The following ARHGEF28 variants were observed in gnomAD, a reference collection of about 807,000 sequenced individuals.
ARHGEF28 encodes the protein Rho guanine nucleotide exchange factor 28, also known as 190 kDa guanine nucleotide exchange factor.
Under a neutral mutation model 206.6 loss-of-function variants are expected in ARHGEF28, and 152 were observed. The observed-to-expected ratio is 0.74, with a 90% CI of 0.64 to 0.84. The LOEUF is 0.84. ARHGEF28 is among the 40% of genes least tolerant of loss of function. ARHGEF28 has a pLI of 0.00. For synonymous variants in ARHGEF28, 763 were observed against 776.4 expected (o/e 0.98, Z 0.29); for missense variants, 2,028 against 2,073.2 (o/e 0.98, Z 0.42).
At chr5:73,795,295 A>AT (rs1561409382) in intron 8 of ARHGEF28, 36 bp from the exon 9 acceptor site, 2 of 1,599,064 alleles carry the variant, frequency 1.3e-6, no homozygotes, top group South Asian at 2.2e-5. Flanking sequence ...CATATATGTA[A>AT]TTTTTTAAAA....
chr5:73,738,543 G>A (rs1164656811), intron 2 of ARHGEF28, among the ~76,000 whole-genome samples: 2 of 151,104 alleles, frequency 1.3e-5, no homozygotes, highest in Non-Finnish European at 2.9e-5. Context: ...GTGTGTGTAC[G>A]TACACCGAGG....
In ARHGEF28 at chr5:73,870,095, G is replaced by A; in HGVS notation, c.2452G>A (p.Asp818Asn). 6.2e-7 allele frequency: 1 copy of A among 1,613,724 alleles called. No homozygotes were observed. Residue 818 changes from aspartate to asparagine, a missense_variant, in exon 21 of 36, where the codon GAC becomes AAC. Transcript: ENST00000513042. ...TGTTGTGGATTCTTCTCTGTGGAGT[G>A]ACCTCAGCAGTGATGCCCAGGAGTT... ...EDVVDSSLWS[D>N]LSSDAQEFEA...
rs569036308 is a variant in ARHGEF28, at chr5:73,815,773, A to G, written c.1025-16565A>G. Among the ~76,000 whole-genome samples the G allele has an allele frequency of 2.6e-5, 4 of 152,354 alleles. No individual in the cohort carries two copies. In the South Asian group the frequency reaches 8.3e-4, roughly 32 times the overall value. On this transcript the variant is annotated intron_variant, in intron 9 of 35. Transcript: ENST00000513042. ...AAGCATGGCCAGTACGAGCTGCAAC[A>G]GAAAGTCATAGCATAGCTATGTATA...
intron 6 of ARHGEF28, among the ~76,000 whole-genome samples, chr5:73,779,447 A>G (rs1204920882): frequency 6.6e-6 from 1 of 152,214 alleles, no homozygotes; most frequent in Non-Finnish European, 1.5e-5. Flanking sequence ...TATTTTCAAG[A>G]GAAAATAGCG....
chr5:73,862,542 GTGT>G, intron 16 of ARHGEF28, among the ~76,000 whole-genome samples: 1 of 152,148 alleles, frequency 6.6e-6, no homozygotes, highest in South Asian at 2.1e-4. Flanking sequence ...TTTAGACCAT[GTGT>G]TGTTTGCTTT....
chr5:73,927,040 A>C (rs1174464347), intron 35 of ARHGEF28, among the ~76,000 whole-genome samples: 2 of 152,152 alleles, frequency 1.3e-5, no homozygotes, highest in African/African-American at 4.8e-5. Context: ...TTGGGAATTC[A>C]TGTCACCTGG....
intron 12 of ARHGEF28, among the ~76,000 whole-genome samples, chr5:73,847,684 T>G (rs1758449270): frequency 6.6e-6 from 1 of 152,246 alleles, no homozygotes; most frequent in Non-Finnish European, 1.5e-5. Context: ...ATCTGAACCA[T>G]AAATATATCT....
intron 9 of ARHGEF28, 137 bp downstream of exon 9, chr5:73,795,528 A>C: frequency 1.4e-6 from 1 of 728,002 alleles, no homozygotes; most frequent in Non-Finnish European, 2.3e-6. Flanking sequence ...CATCCAGATA[A>C]ATTTTATTTG....
At chr5:73,659,278 T>G (rs1745433307) in intron 1 of ARHGEF28, among the ~76,000 whole-genome samples, 5 of 152,192 alleles carry the variant, frequency 3.3e-5, no homozygotes, top group Admixed American at 2.0e-4. Context: ...AAAAGTTTGT[T>G]ATGTCACTTT....
intron 2 of ARHGEF28, among the ~76,000 whole-genome samples, chr5:73,686,035 A>G (rs1298607250): frequency 1.3e-5 from 2 of 152,174 alleles, no homozygotes; most frequent in Admixed American, 6.5e-5. Flanking sequence ...CCTTCTACAC[A>G]TGACACATAC....
chr5:73,852,219 T>C (rs1758747072), intron 13 of ARHGEF28, among the ~76,000 whole-genome samples: 1 of 152,220 alleles, frequency 6.6e-6, no homozygotes, highest in African/African-American at 2.4e-5. Flanking sequence ...GAAAATTAAC[T>C]CTTCTTATGC....
intron 24 of ARHGEF28, 30 bp downstream of exon 24, chr5:73,883,914 G>A (rs1172702143): frequency 7.1e-7 from 1 of 1,406,432 alleles, no homozygotes; most frequent in Non-Finnish European, 9.5e-7. Flanking sequence ...ATAAAAATTT[G>A]CCCCTCTTAT....
chr5:73,920,618 C>G (rs945739254), intron 35 of ARHGEF28, among the ~76,000 whole-genome samples: 1 of 149,402 alleles, frequency 6.7e-6, no homozygotes, highest in Non-Finnish European at 1.5e-5. Context: ...GGCGCTATCC[C>G]GGCTCACTGC....
At position 73,894,527 on chromosome 5, in the gene ARHGEF28, G is replaced by C. The variant is rs760109194; in HGVS notation, c.3793G>C (p.Gly1265Arg). ...EPHLLIKPDP[G>R]EPPQAASLLA... ...CCACCTCCTTATTAAACCTGACCCA[G>C]GCGAGCCTCCCCAGGCAGCCTCATT... is the stretch of plus-strand genomic sequence containing the variant. Residue 1265 changes from glycine to arginine, a missense_variant, in exon 29 of 36, where the codon GGC (glycine) becomes CGC (arginine). This residue lies in a region of ARHGEF28 where 803 missense variants were observed against 768.0 expected (regional missense o/e 1.05). Transcript: ENST00000513042. 2.5e-6 allele frequency: 4 copies of C among 1,613,900 alleles called. No homozygotes were observed. In the East Asian group the frequency reaches 8.9e-5, roughly 36 times the overall value.
chr5:73,695,878 C>G (rs762090495), intron 2 of ARHGEF28, among the ~76,000 whole-genome samples: 3 of 152,204 alleles, frequency 2.0e-5, no homozygotes, highest in Non-Finnish European at 4.4e-5. Context: ...TTTATCTGTT[C>G]TAATCAGACA....
chr5:73,911,458 G>T lies in ARHGEF28; in HGVS notation c.4831G>T (p.Asp1611Tyr). Residue 1611 changes from aspartate (D) to tyrosine (Y), a missense_variant, in exon 35 of 36, where the codon GAC becomes TAC. Physicochemically the swap from Asp to Tyr is radical, Grantham distance 160 (BLOSUM62 -3). This residue lies in a region of ARHGEF28 where 803 missense variants were observed against 768.0 expected (regional missense o/e 1.05). Coordinates refer to ENST00000513042, the MANE Select transcript of ARHGEF28 (RefSeq NM_001177693.2). The stretch of plus-strand genomic sequence containing the variant: ...GGTGAGGACTAGTGAACATCAAGTA[G>T]ACCTCAAGGTGGACCCTTCTCAGCC... Reference protein sequence around the residue: ...DLVRTSEHQVDLKVDPSQPSN... With the variant: ...DLVRTSEHQVYLKVDPSQPSN... The T allele has an allele frequency of 6.2e-7, 1 of 1,613,954 alleles. No homozygotes were observed. The highest frequency in any genetic ancestry group is 8.5e-7 in the Non-Finnish European group (1 of 1,179,872).
chr5:73,919,043 G>T (rs55672315), intron 35 of ARHGEF28, among the ~76,000 whole-genome samples: 25,501 of 152,058 alleles, frequency 0.17, 4,506 homozygotes, highest in African/African-American at 0.44. Flanking sequence ...TACTGCCGTG[G>T]GATCCCTAAG....
At position 73,873,188 on chromosome 5, in the gene ARHGEF28, G is replaced by A. The variant is rs1421798779; in HGVS notation, c.2756G>A (p.Cys919Tyr). 2.5e-6 allele frequency: 4 copies of A among 1,612,054 alleles called. No homozygotes were observed. The highest frequency in any genetic ancestry group is 1.1e-5 in the South Asian group (1 of 90,500). ...YSMKERRQESCAGSDRNFVID... is the reference protein window; with the variant it reads ...YSMKERRQESYAGSDRNFVID... The stretch of plus-strand genomic sequence containing the variant: ...ATGAAGGAACGAAGGCAGGAATCCT[G>A]TGCTGGCAGCGACAGGAATTTTGTG... Residue 919 changes from cysteine (C) to tyrosine (Y), a missense_variant, in exon 22 of 36, where the codon TGT becomes TAT. Cys to Tyr is a radical substitution (Grantham distance 194). This residue lies in a region of ARHGEF28 where 223 missense variants were observed against 289.9 expected (regional missense o/e 0.77). Transcript: ENST00000513042.
intron 4 of ARHGEF28, among the ~76,000 whole-genome samples, chr5:73,762,964 G>C (rs1752691722): frequency 6.6e-6 from 1 of 152,148 alleles, no homozygotes; most frequent in Non-Finnish European, 1.5e-5. Flanking sequence ...ATGGCTGTCA[G>C]GATTAAATGA....
Sources: allele counts gnomAD v4.1 joint callset (sites outside exome capture counted in the v4.1 genomes callset), GRCh38; gene constraint gnomAD v4.1.1; regional missense constraint gnomAD v4.1.1; transcripts MANE v1.5; gene names NCBI Gene and HGNC (gene_info 2026-07-23, HGNC 2026-07-21).